The following GPC5 variants were observed in gnomAD, a reference collection of about 807,000 sequenced individuals.
The protein encoded by GPC5 is glypican 5, also known as glypican-5.
In GPC5, 47 loss-of-function variants were observed where a neutral mutation model predicts 53.9. The observed-to-expected ratio is 0.87, with a 90% CI of 0.69 to 1.11. The LOEUF is 1.11. GPC5 is among the 50% of genes most tolerant of loss of function. The pLI is 0.00. For missense variants in GPC5, 748 were observed against 713.1 expected (o/e 1.05, Z -0.56); for synonymous variants, 286 against 263.3 (o/e 1.09, Z -0.84).
In GPC5 at chr13:92,752,877, T is replaced by G. The variant is rs1182866061; in HGVS notation, c.1562-113405T>G. 3.9e-5 allele frequency among the ~76,000 whole-genome samples: 6 copies of G among 152,104 alleles called. No homozygotes were observed. The East Asian group carries it at 1.2e-3, about 30-fold the overall frequency. ...CTCGCTGATTGCTAGCACAGCAGTCTGAGATCAAACTGCAAGGCGGCAGTG... is the reference window on the plus strand; with the variant it reads ...CTCGCTGATTGCTAGCACAGCAGTCGGAGATCAAACTGCAAGGCGGCAGTG... On this transcript the variant is annotated intron_variant, in intron 7 of 7. Transcript: ENST00000377067.
intron 5 of GPC5, among the ~76,000 whole-genome samples, chr13:91,866,311 A>G (rs527783893): frequency 2.0e-5 from 3 of 152,198 alleles, no homozygotes; most frequent in Non-Finnish European, 2.9e-5. Context: ...TTAAACAGTA[A>G]ATTTCTGTTA....
chr13:91,460,244 T>G (rs1259857794), intron 2 of GPC5, among the ~76,000 whole-genome samples: 2 of 152,110 alleles, frequency 1.3e-5, no homozygotes, highest in African/African-American at 4.8e-5. Context: ...TCAAATTCTT[T>G]TAACCAAACA....
chr13:91,904,815 G>A (rs1242151963), intron 5 of GPC5, among the ~76,000 whole-genome samples: 1 of 152,052 alleles, frequency 6.6e-6, no homozygotes, highest in Non-Finnish European at 1.5e-5. Context: ...AACGAAGGTT[G>A]AGTGGAAGCA....
chr13:92,862,798 A>G (rs1010541300), intron 7 of GPC5, among the ~76,000 whole-genome samples: 4 of 152,228 alleles, frequency 2.6e-5, no homozygotes, highest in African/African-American at 9.6e-5. Flanking sequence ...AACAATGTAT[A>G]CGTTCTTGTC....
chr13:91,478,779 T>C (rs1253212274), intron 2 of GPC5, among the ~76,000 whole-genome samples: 1 of 115,056 alleles, frequency 8.7e-6, no homozygotes, highest in Non-Finnish European at 1.7e-5. Flanking sequence ...TGAAGTTACT[T>C]ATCCTCCATT....
At chr13:92,149,883 TC>T (rs2041894837) in intron 7 of GPC5, among the ~76,000 whole-genome samples, 1 of 152,004 alleles carries the variant, frequency 6.6e-6, no homozygotes, top group African/African-American at 2.4e-5. Flanking sequence ...TTGATTTTTT[TC>T]CTATCAATAT....
intron 7 of GPC5, among the ~76,000 whole-genome samples, chr13:92,515,413 A>G (rs1244387396): frequency 1.3e-5 from 2 of 152,114 alleles, no homozygotes; most frequent in East Asian, 3.9e-4. Flanking sequence ...AATTCCAGAG[A>G]TTTTTGGTTT....
At chr13:91,660,657 T>C (rs1271849662) in intron 2 of GPC5, among the ~76,000 whole-genome samples, 1 of 152,212 alleles carries the variant, frequency 6.6e-6, no homozygotes, top group Non-Finnish European at 1.5e-5. Flanking sequence ...GGGAAGGATA[T>C]GGTCTTTTGT....
intron 6 of GPC5, among the ~76,000 whole-genome samples, chr13:92,015,340 C>T (rs970615765): frequency 6.6e-6 from 1 of 152,068 alleles, no homozygotes; most frequent in Non-Finnish European, 1.5e-5. Flanking sequence ...GGAAATAACC[C>T]TTTTTCTATA....
rs186736760 is a variant in GPC5 at position 91,747,588 on chromosome 13, C to G, written c.1155-8707C>G. Among the ~76,000 whole-genome samples the G allele has an allele frequency of 1.5e-4, 23 of 152,038 alleles. No individual in the cohort carries two copies. In the East Asian group the frequency reaches 2.7e-3, roughly 18 times the overall value. On this transcript the variant is annotated intron_variant, in intron 4 of 7. Transcript: ENST00000377067. ...GTCAAAACGTGTAGATAACTCCTGT[C>G]TGAACATATTGCATTCTCATTGTAG... is the stretch of plus-strand genomic sequence containing the variant.
At chr13:92,723,014 G>A (rs570736986) in intron 7 of GPC5, among the ~76,000 whole-genome samples, 14 of 151,738 alleles carry the variant, frequency 9.2e-5, no homozygotes, top group Admixed American at 3.3e-4. Flanking sequence ...TAGAAATGAT[G>A]TGGATTTTGA....
At chr13:92,602,900 C>G (rs1227009111) in intron 7 of GPC5, among the ~76,000 whole-genome samples, 1 of 152,042 alleles carries the variant, frequency 6.6e-6, no homozygotes, top group African/African-American at 2.4e-5. Context: ...GGGAAAGCCA[C>G]ATGAGGTGTA....
At chr13:92,613,373 A>AATAT (rs1209920718) in intron 7 of GPC5, among the ~76,000 whole-genome samples, 1 of 82,846 alleles carries the variant, frequency 1.2e-5, no homozygotes, top group Non-Finnish European at 2.1e-5. Flanking sequence ...ATTTATATAT[A>AATAT]AATATATTAT....
chr13:92,190,815 A>G (rs1232436629), intron 7 of GPC5, among the ~76,000 whole-genome samples: 2 of 152,156 alleles, frequency 1.3e-5, no homozygotes, highest in Non-Finnish European at 2.9e-5. Flanking sequence ...AACAAAGAAC[A>G]AGGGCATCAG....
At chr13:91,784,636 A>G (rs545209117) in intron 5 of GPC5, among the ~76,000 whole-genome samples, 2 of 151,606 alleles carry the variant, frequency 1.3e-5, no homozygotes, top group Non-Finnish European at 2.9e-5. Flanking sequence ...AGGCACGAGA[A>G]TCGCTTGAAC....
chr13:92,026,340 G>A (rs61966418), intron 6 of GPC5, among the ~76,000 whole-genome samples: 5,585 of 151,838 alleles, frequency 0.037, 140 homozygotes, highest in Non-Finnish European at 0.058. Context: ...AAACCAGACT[G>A]ACTATTTTTT....
chr13:92,251,309 A>G (rs1472717587), intron 7 of GPC5, among the ~76,000 whole-genome samples: 1 of 152,116 alleles, frequency 6.6e-6, no homozygotes, highest in Non-Finnish European at 1.5e-5. Flanking sequence ...GGCACCGTTA[A>G]CATGTTAGGC....
chr13:92,691,420 C>G (rs964939166), intron 7 of GPC5, among the ~76,000 whole-genome samples: 3 of 145,430 alleles, frequency 2.1e-5, no homozygotes, highest in South Asian at 2.3e-4. Flanking sequence ...CGCCCTGCTT[C>G]GGCTCGCGCA....
chr13:92,100,312 G>T (rs936536286), intron 6 of GPC5, among the ~76,000 whole-genome samples: 1 of 152,062 alleles, frequency 6.6e-6, no homozygotes, highest in Non-Finnish European at 1.5e-5. Flanking sequence ...CTGAGGCAGA[G>T]AATTGCTTTA....
Sources: allele counts gnomAD v4.1 joint callset (sites outside exome capture counted in the v4.1 genomes callset), GRCh38; gene constraint gnomAD v4.1.1; transcripts MANE v1.5; gene names NCBI Gene and HGNC (gene_info 2026-07-23, HGNC 2026-07-21).